The following XKR9 variants were observed in gnomAD, a reference collection of about 807,000 sequenced individuals.
The protein encoded by XKR9 is XK related 9.
A neutral mutation model predicts 32.0 loss-of-function variants in XKR9; 32 were observed. The observed-to-expected ratio is 1.00, with a 90% CI of 0.76 to 1.34. XKR9 has a LOEUF of 1.34. Among genes scored for constraint, XKR9 ranks in the 40% most tolerant of loss-of-function variants. The probability of loss-of-function intolerance (pLI) is 0.00; values close to 1 mark genes in which losing one functional copy is unlikely to be tolerated. For missense variants in XKR9, 546 were observed against 429.7 expected (o/e 1.27, Z -2.39); for synonymous variants, 168 against 143.4 (o/e 1.17, Z -1.22).
At chr8:71,029,158 G>A in the XKR9 span, among the ~76,000 whole-genome samples, 1 of 152,042 alleles carries the variant, frequency 6.6e-6, no homozygotes, top group Non-Finnish European at 1.5e-5. Context: ...TATGTTCCAA[G>A]AGTTGGGAGT....
At chr8:70,700,557 G>T (rs1184141864) in intron 3 of XKR9, among the ~76,000 whole-genome samples, 1 of 152,170 alleles carries the variant, frequency 6.6e-6, no homozygotes, top group Non-Finnish European at 1.5e-5. Flanking sequence ...TGTCTCAGAA[G>T]AGTACCCAGC....
chr8:70,993,884 C>T, the XKR9 span, among the ~76,000 whole-genome samples: 1 of 152,142 alleles, frequency 6.6e-6, no homozygotes, highest in South Asian at 2.1e-4. Flanking sequence ...TGTAGATTTC[C>T]TCTAAGGATA....
the XKR9 span, among the ~76,000 whole-genome samples, chr8:70,995,084 G>A: frequency 6.6e-5 from 10 of 152,160 alleles, no homozygotes; most frequent in Admixed American, 5.2e-4. Context: ...ACTATGTCCT[G>A]CTTTTAGACA....
At chr8:70,737,330 CTT>C (rs1806882558), downstream of XKR9, among the ~76,000 whole-genome samples, 1 of 145,840 alleles carries the variant, frequency 6.9e-6, no homozygotes, top group Admixed American at 6.9e-5. Flanking sequence ...TATCCTGAGA[CTT>C]TGCCGAAGTT....
At chr8:70,911,636 C>T in the XKR9 span, among the ~76,000 whole-genome samples, 81,810 of 152,016 alleles carry the variant, frequency 0.54, 22,975 homozygotes, top group Middle Eastern at 0.62. Context: ...TCTGATGGAG[C>T]ATACAGCAAA....
intron 1 of XKR9, among the ~76,000 whole-genome samples, chr8:70,673,778 A>T (rs1586800104): frequency 1.3e-5 from 2 of 151,514 alleles, no homozygotes; most frequent in South Asian, 4.2e-4. Flanking sequence ...AAAAAAAAAG[A>T]TACAAAATTA....
At chr8:71,050,717 G>T in the XKR9 span, among the ~76,000 whole-genome samples, 1 of 152,100 alleles carries the variant, frequency 6.6e-6, no homozygotes, top group African/African-American at 2.4e-5. Flanking sequence ...AACACATGGG[G>T]GAAGTTATGC....
At position 70,777,841 on chromosome 8, in the gene XKR9, T is replaced by A. The variant is rs538813409; in HGVS notation, n.353-11498T>A. ...TAAATTTGTTGAAATTCTTTGTAGA[T>A]TCTGGATAATAGCCCTTTGTCAGAT... On this transcript the variant is annotated intron_variant and non_coding_transcript_variant, in intron 2 of 3. Coordinates refer to the XKR9 transcript ENST00000520273. 2.0e-5 allele frequency among the ~76,000 whole-genome samples: 3 copies of A among 152,314 alleles called. No homozygotes were observed. In the East Asian group the frequency reaches 5.8e-4, roughly 29 times the overall value.
intron 2 of XKR9, among the ~76,000 whole-genome samples, chr8:70,786,977 T>C (rs1333524735): frequency 2.6e-5 from 4 of 152,140 alleles, no homozygotes; most frequent in African/African-American, 9.7e-5. Flanking sequence ...TGTTTTCGAA[T>C]ATGGCTGTGA....
the XKR9 span, among the ~76,000 whole-genome samples, chr8:70,818,682 G>A: frequency 3.9e-5 from 6 of 152,124 alleles, no homozygotes; most frequent in Non-Finnish European, 8.8e-5. Flanking sequence ...GAATACATTT[G>A]ATGGTTTGGG....
chr8:70,741,426 A>G (rs369307693), intron 2 of XKR9, among the ~76,000 whole-genome samples: 2 of 152,206 alleles, frequency 1.3e-5, no homozygotes, highest in East Asian at 3.8e-4. Flanking sequence ...ACTTTTCTTT[A>G]TAAATTACCC....
chr8:70,802,871 G>A, the XKR9 span, among the ~76,000 whole-genome samples: 6 of 152,198 alleles, frequency 3.9e-5, no homozygotes, highest in African/African-American at 1.4e-4. Flanking sequence ...CTTCTTCCTA[G>A]TTGCCTTTAG....
At chr8:70,977,179 T>A in the XKR9 span, among the ~76,000 whole-genome samples, 1 of 152,114 alleles carries the variant, frequency 6.6e-6, no homozygotes, top group African/African-American at 2.4e-5. Flanking sequence ...TTGGTTCTTT[T>A]CAAAAAACCA....
the XKR9 span, among the ~76,000 whole-genome samples, chr8:70,922,868 G>A: frequency 5.3e-5 from 8 of 152,148 alleles, no homozygotes; most frequent in African/African-American, 9.7e-5. Flanking sequence ...GGACTCACAC[G>A]GACATCAGAA....
Position 70,707,106 on chromosome 8 carries a change from T to C in XKR9, c.446T>C (p.Leu149Pro). The change falls in exon 4 of 5, where the codon CTT becomes CCT. Residue 149 changes from leucine to proline, a missense_variant. Coordinates refer to ENST00000408926, the MANE Select transcript of XKR9 (RefSeq NM_001011720.2). ...TYLEGCPQLI[L>P]QLYILLEHGQ... is the part of the protein sequence containing the mutation. ...CTGGAAGGCTGCCCACAACTTATTC[T>C]TCAACTCTACATTCTTCTGGAGCAT... The C allele has an allele frequency of 6.2e-7, 1 of 1,613,406 alleles. No individual in the cohort carries two copies. The highest frequency in any genetic ancestry group is 1.7e-5 in the Admixed American group (1 of 60,008).
intron 4 of XKR9, among the ~76,000 whole-genome samples, chr8:70,726,693 A>G (rs1383554047): frequency 6.6e-6 from 1 of 152,238 alleles, no homozygotes; most frequent in African/African-American, 2.4e-5. Flanking sequence ...GGATTGGTCA[A>G]GAGCAAAGGT....
At chr8:70,670,112 T>C (rs1047088792) in intron 1 of XKR9, among the ~76,000 whole-genome samples, 25 of 152,198 alleles carry the variant, frequency 1.6e-4, no homozygotes, top group African/African-American at 5.5e-4. Flanking sequence ...TTGTTACAAA[T>C]GAAAAACGGG....
At chr8:70,835,945 A>T in the XKR9 span, among the ~76,000 whole-genome samples, 3 of 152,044 alleles carry the variant, frequency 2.0e-5, no homozygotes, top group Non-Finnish European at 1.5e-5. Flanking sequence ...AAAGAAAAAC[A>T]TTTTATTTTG....
the XKR9 span, among the ~76,000 whole-genome samples, chr8:71,040,367 A>G: frequency 6.6e-6 from 1 of 152,176 alleles, no homozygotes; most frequent in Non-Finnish European, 1.5e-5. Flanking sequence ...AATCATGTAA[A>G]ATTGCCGTTT....
Sources: gnomAD v4.1 joint callset for allele counts (sites outside exome capture counted in the v4.1 genomes callset) on GRCh38, gnomAD v4.1.1 for gene constraint, MANE v1.5 for transcripts, NCBI Gene and HGNC (gene_info 2026-07-23, HGNC 2026-07-21) for gene names.